Variants in PSMA1 observed in about 807,000 individuals in gnomAD.
The protein encoded by PSMA1 is proteasome 20S subunit alpha 1.
Under a neutral mutation model 38.4 loss-of-function variants are expected in PSMA1, and 3 were observed. That is an observed-to-expected ratio of 0.08 (90% confidence interval 0.04 to 0.20). PSMA1 has a LOEUF of 0.20. PSMA1 is among the 10% of genes least tolerant of loss of function. The pLI, the probability that PSMA1 is intolerant of heterozygous loss-of-function variation, is 1.00. For synonymous variants in PSMA1, 101 were observed against 107.1 expected (o/e 0.94, Z 0.35); for missense variants, 227 against 325.3 (o/e 0.70, Z 2.32).
chr11:14,543,740 A>G (rs1851796709), intron 2 of PSMA1, among the ~76,000 whole-genome samples: 1 of 152,246 alleles, frequency 6.6e-6, no homozygotes, highest in Non-Finnish European at 1.5e-5. Flanking sequence ...TAAGTGAAAC[A>G]ATGTACATCA....
intron 2 of PSMA1, among the ~76,000 whole-genome samples, chr11:14,607,053 G>A (rs1256914394): frequency 1.3e-5 from 2 of 152,184 alleles, no homozygotes; most frequent in East Asian, 3.8e-4. Flanking sequence ...TTAAAATGAA[G>A]GAGGAAGGAG....
intron 1 of PSMA1, among the ~76,000 whole-genome samples, chr11:14,634,105 C>T (rs1320768933): frequency 3.9e-5 from 6 of 152,184 alleles, no homozygotes; most frequent in Non-Finnish European, 7.3e-5. Context: ...TCTTCTGCGT[C>T]GCTCACACTG....
At chr11:14,571,891 C>T (rs987266965) in intron 2 of PSMA1, among the ~76,000 whole-genome samples, 1 of 151,850 alleles carries the variant, frequency 6.6e-6, no homozygotes, top group Non-Finnish European at 1.5e-5. Flanking sequence ...AGACTTTAAG[C>T]CAACAAAGAT....
chr11:14,613,654 T>A (rs941775730), intron 1 of PSMA1, among the ~76,000 whole-genome samples: 3 of 152,154 alleles, frequency 2.0e-5, no homozygotes, highest in Admixed American at 1.3e-4. Flanking sequence ...TCAAAATAAT[T>A]ATGTAGGAAA....
chr11:14,620,766 C>T (rs767770458), intron 1 of PSMA1, among the ~76,000 whole-genome samples: 6 of 152,078 alleles, frequency 3.9e-5, no homozygotes, highest in African/African-American at 9.7e-5. Context: ...GTCCAACAAC[C>T]CACTTCCTAG....
intron 1 of PSMA1, among the ~76,000 whole-genome samples, chr11:14,624,943 T>C (rs1446269515): frequency 6.6e-6 from 1 of 152,088 alleles, no homozygotes; most frequent in South Asian, 2.1e-4. Flanking sequence ...TGAGAGGACT[T>C]GGAATGGATA....
At chr11:14,638,533 CTCTCTCTCTCTCTA>C (rs1853143846) in intron 1 of PSMA1, among the ~76,000 whole-genome samples, 2 of 28,960 alleles carry the variant, frequency 6.9e-5, no homozygotes, top group African/African-American at 1.6e-4. Context: ...CTCTCTCTCT[CTCTCTCTCTCTCTA>C]TATATATATA....
intron 1 of PSMA1, among the ~76,000 whole-genome samples, chr11:14,614,559 T>C (rs965385411): frequency 2.0e-5 from 3 of 152,178 alleles, no homozygotes; most frequent in African/African-American, 7.2e-5. Context: ...ATGAAATCCA[T>C]GCAGTCTCAC....
At chr11:14,514,284 T>C in intron 5 of PSMA1, 119 bp downstream of exon 5, 18 of 1,391,600 alleles carry the variant, frequency 1.3e-5, no homozygotes, top group Non-Finnish European at 1.7e-5. Flanking sequence ...ATCCAATTTG[T>C]TGTTTTAAAG....
intron 2 of PSMA1, among the ~76,000 whole-genome samples, chr11:14,554,804 T>C (rs1208368206): frequency 6.6e-6 from 1 of 152,338 alleles, no homozygotes; most frequent in African/African-American, 2.4e-5. Flanking sequence ...GTACTTCACA[T>C]GCATAACTCA....
chr11:14,600,846 C>G (rs1262358965), intron 2 of PSMA1, among the ~76,000 whole-genome samples: 1 of 152,242 alleles, frequency 6.6e-6, no homozygotes. Context: ...GAGCTGCAGA[C>G]AGGAGCTGTT....
chr11:14,589,314 G>A (rs1254591971), intron 2 of PSMA1, among the ~76,000 whole-genome samples: 3 of 150,914 alleles, frequency 2.0e-5, no homozygotes, highest in African/African-American at 7.3e-5. Context: ...TAGAATTTGA[G>A]GTGCATTAGG....
chr11:14,595,915 T>G (rs1852485592), intron 2 of PSMA1, among the ~76,000 whole-genome samples: 1 of 152,224 alleles, frequency 6.6e-6, no homozygotes, highest in African/African-American at 2.4e-5. Flanking sequence ...GAATTAATTT[T>G]TGTATAAGGT....
chr11:14,505,516 T>C (rs1441474774), intron 9 of PSMA1, among the ~76,000 whole-genome samples: 1 of 152,128 alleles, frequency 6.6e-6, no homozygotes, highest in Non-Finnish European at 1.5e-5. Flanking sequence ...AGGGTCCACT[T>C]ATATGCAGAT....
At position 14,517,725 on chromosome 11, in the gene PSMA1, T is replaced by A. The variant is rs1565034166; in HGVS notation, c.171A>T (p.Ala57=). 1 of 1,604,752 alleles carries A rather than the reference T, an allele frequency of 6.2e-7. No homozygotes were observed. Among genetic ancestry groups the A allele is most frequent in the Non-Finnish European group, 8.5e-7 (1 of 1,177,892 alleles). The part of the protein sequence containing the change: ...VALKRAQSEL[A]AHQKKILHVD... ...CATGGAGAATTTTTTTCTGATGAGC[T>A]GCAAGCTCTGATTGCGCCCTCTAAA... The change falls in exon 4 of 10, where the codon GCA becomes GCT. Residue 57 remains alanine, a synonymous_variant. Transcript: ENST00000396394.
chr11:14,507,372 T>C (rs570402179), intron 9 of PSMA1, among the ~76,000 whole-genome samples: 3 of 152,120 alleles, frequency 2.0e-5, no homozygotes, highest in Non-Finnish European at 4.4e-5. Flanking sequence ...TTCACCATGT[T>C]GGCCAGGATG....
intron 7 of PSMA1, 161 bp downstream of exon 7, chr11:14,513,409 A>G (rs1041328254): frequency 1.3e-6 from 1 of 751,086 alleles, no homozygotes; most frequent in Non-Finnish European, 1.9e-6. Context: ...TAAGATTAGT[A>G]TATGTGACAG....
In PSMA1 at chr11:14,595,645, C is replaced by T. The variant is rs183815293; in HGVS notation, c.21+15321G>A. On this transcript the variant is annotated intron_variant, in intron 2 of 10. Coordinates refer to the PSMA1 transcript ENST00000418988. Reference sequence around the variant, plus strand: ...TTCTTTGTAGATTCTGGATATTAGCCCTTTGTCAGATAGGTAGATTGTAAA... The same window carrying T: ...TTCTTTGTAGATTCTGGATATTAGCTCTTTGTCAGATAGGTAGATTGTAAA... 2.3e-3 allele frequency among the ~76,000 whole-genome samples: 347 copies of T among 152,082 alleles called. 2 individuals carry two copies. Among genetic ancestry groups the T allele is most frequent in the African/African-American group, 7.8e-3 (322 of 41,432 alleles).
chr11:14,578,841 G>A (rs1413713258), intron 2 of PSMA1, among the ~76,000 whole-genome samples: 1 of 152,226 alleles, frequency 6.6e-6, no homozygotes, highest in African/African-American at 2.4e-5. Flanking sequence ...TCTCCTGGGA[G>A]AGCTTGTTTC....
Sources: gnomAD v4.1 joint callset for allele counts (sites outside exome capture counted in the v4.1 genomes callset) on GRCh38, gnomAD v4.1.1 for gene constraint, MANE v1.5 for transcripts, NCBI Gene and HGNC (gene_info 2026-07-23, HGNC 2026-07-21) for gene names.